Variants in MYZAP observed in about 807,000 individuals in gnomAD.
The protein encoded by MYZAP is myocardial zonula adherens protein.
A neutral mutation model predicts 69.4 loss-of-function variants in MYZAP; 66 were observed. The ratio of observed to expected loss-of-function variants is 0.95; its 90% CI spans 0.78 to 1.17. MYZAP has a LOEUF of 1.17. Among genes scored for constraint, MYZAP ranks in the 50% most tolerant of loss-of-function variants. MYZAP has a pLI of 0.00. For synonymous variants in MYZAP, 256 were observed against 205.9 expected, an observed-to-expected ratio of 1.24 and a Z score of -2.09; for missense variants, 611 against 556.2, an observed-to-expected ratio of 1.10 and a Z score of -0.99.
intron 12 of MYZAP, among the ~76,000 whole-genome samples, chr15:57,681,456 G>C (rs149762078): frequency 0.012 from 1,809 of 152,342 alleles, 19 homozygotes; most frequent in African/African-American, 0.029. Context: ...ATACCTAGCA[G>C]TGGACACAAA....
At chr15:57,680,070 T>C (rs1452071924) in intron 12 of MYZAP, among the ~76,000 whole-genome samples, 1 of 152,206 alleles carries the variant, frequency 6.6e-6, no homozygotes, top group Non-Finnish European at 1.5e-5. Context: ...GCAATCCCTT[T>C]GGAAGCTTGT....
chr15:57,626,936 A>G (rs1456065058), intron 5 of MYZAP, among the ~76,000 whole-genome samples: 1 of 152,060 alleles, frequency 6.6e-6, no homozygotes, highest in Admixed American at 6.5e-5. Context: ...AGTGTATGCC[A>G]GCTTTCCCCT....
intron 5 of MYZAP, among the ~76,000 whole-genome samples, chr15:57,627,317 A>G (rs1595883844): frequency 6.8e-6 from 1 of 146,930 alleles, no homozygotes; most frequent in East Asian, 2.1e-4. Context: ...GGACAGCCAA[A>G]GGAGCCTTAT....
At chr15:57,673,420 T>TTC (rs144001910) in intron 11 of MYZAP, among the ~76,000 whole-genome samples, 617 of 144,506 alleles carry the variant, frequency 4.3e-3, no homozygotes, top group Middle Eastern at 0.011. Flanking sequence ...CACTGTCTCT[T>TTC]TCTCTCTCTC....
chr15:57,666,683 A>G lies in MYZAP; in HGVS notation c.1203+5150A>G, dbSNP rs1391214883. ...GGATTACTAGATGCGGGAAAGAGGG[A>G]GGGGGAAAAGGTCTGAAAAACCACC... On this transcript the variant is annotated intron_variant, in intron 11 of 12. Transcript: ENST00000267853. Among the ~76,000 whole-genome samples, 3 of 152,014 alleles carry G rather than the reference A, an allele frequency of 2.0e-5. No individual in the cohort carries two copies. In the East Asian group the frequency reaches 5.8e-4, roughly 29 times the overall value.
rs570462679 is a variant in MYZAP at position 57,637,382 on chromosome 15, A to G, written c.934-313A>G. ...AAAGAATTTTGCAGTATCACAAGCC[A>G]CCAGTTTAAAGTATTGATAATCAGT... On this transcript the variant is annotated intron_variant, in intron 8 of 12. Transcript: ENST00000267853. Among the ~76,000 whole-genome samples, 12 of 152,300 alleles carry G rather than the reference A, an allele frequency of 7.9e-5. No individual in the cohort carries two copies. In the South Asian group the frequency reaches 1.9e-3, roughly 24 times the overall value.
intron 10 of MYZAP, among the ~76,000 whole-genome samples, chr15:57,660,483 T>G (rs1463105577): frequency 6.6e-6 from 1 of 151,816 alleles, no homozygotes; most frequent in Non-Finnish European, 1.5e-5. Flanking sequence ...CCCAGCTAAT[T>G]TTTTGATTTT....
chr15:57,655,488 C>A (rs1341896888), intron 10 of MYZAP, among the ~76,000 whole-genome samples: 2 of 152,026 alleles, frequency 1.3e-5, no homozygotes, highest in Non-Finnish European at 2.9e-5. Flanking sequence ...GGTACCAGAG[C>A]ACCTGTATTT....
chr15:57,604,116 G>A (rs2034587275), intron 1 of MYZAP, among the ~76,000 whole-genome samples, 153 bp from the exon 2 acceptor site: 1 of 152,166 alleles, frequency 6.6e-6, no homozygotes, highest in Non-Finnish European at 1.5e-5. Context: ...GTGAAGGTAA[G>A]GCTGGCCTTA....
intron 10 of MYZAP, chr15:57,646,768 G>T (rs1333633424): frequency 1.0e-6 from 1 of 985,336 alleles, no homozygotes; most frequent in African/African-American, 1.7e-5. Context: ...CTTCTAAGAG[G>T]AGTTTAGCTT....
chr15:57,664,611 T>C (rs2038479971), intron 11 of MYZAP, among the ~76,000 whole-genome samples: 1 of 152,254 alleles, frequency 6.6e-6, no homozygotes, highest in Non-Finnish European at 1.5e-5. Context: ...CTAACTTACA[T>C]GTTCTTTAGT....
At chr15:57,648,049 G>A in intron 10 of MYZAP, 1 of 985,010 alleles carries the variant, frequency 1.0e-6, no homozygotes, top group South Asian at 4.7e-5. Flanking sequence ...AAAGTTTGAG[G>A]CAGGAGTGAT....
intron 8 of MYZAP, among the ~76,000 whole-genome samples, chr15:57,635,084 A>C (rs4774978): frequency 6.6e-6 from 1 of 151,848 alleles, no homozygotes; most frequent in Non-Finnish European, 1.5e-5. Flanking sequence ...ATACAGAGAA[A>C]CCACAGGTAG....
intron 2 of MYZAP, among the ~76,000 whole-genome samples, chr15:57,609,838 A>G (rs2034992829): frequency 6.6e-6 from 1 of 152,226 alleles, no homozygotes. Flanking sequence ...TAAAATTGGT[A>G]ATAGTTTTGA....
At chr15:57,643,271 G>A (rs2037263465) in intron 10 of MYZAP, among the ~76,000 whole-genome samples, 1 of 152,228 alleles carries the variant, frequency 6.6e-6, no homozygotes, top group Non-Finnish European at 1.5e-5. Flanking sequence ...TGGGTACACA[G>A]TGGGGAGTCA....
intron 12 of MYZAP, 104 bp downstream of exon 12, chr15:57,675,172 A>C (rs2039058483): frequency 1.9e-6 from 2 of 1,079,546 alleles, no homozygotes; most frequent in Admixed American, 2.7e-5. Flanking sequence ...TTCCTATCAC[A>C]AATATTTCTG....
intron 2 of MYZAP, among the ~76,000 whole-genome samples, chr15:57,617,654 G>A (rs1367121558): frequency 6.6e-6 from 1 of 152,182 alleles, no homozygotes; most frequent in Non-Finnish European, 1.5e-5. Flanking sequence ...TTAGTGATGA[G>A]GTTGAAGTCA....
chr15:57,683,356 G>T (rs1298888080), intron 12 of MYZAP, among the ~76,000 whole-genome samples: 1 of 152,214 alleles, frequency 6.6e-6, no homozygotes, highest in African/African-American at 2.4e-5. Context: ...ACAGAGTAGG[G>T]TGGAGAAGGG....
chr15:57,614,822 G>A (rs1254938111), intron 2 of MYZAP, among the ~76,000 whole-genome samples: 1 of 152,184 alleles, frequency 6.6e-6, no homozygotes, highest in Non-Finnish European at 1.5e-5. Context: ...GCACTTGCAG[G>A]CTGTTACCCT....
Sources: allele counts gnomAD v4.1 joint callset (sites outside exome capture counted in the v4.1 genomes callset), GRCh38; gene constraint gnomAD v4.1.1; transcripts MANE v1.5; gene names NCBI Gene and HGNC (gene_info 2026-07-23, HGNC 2026-07-21).